FHIT: variants seen among roughly 807,000 people sequenced by gnomAD.
FHIT encodes the protein bis(5'-adenosyl)-triphosphatase.
FHIT carries 19 observed loss-of-function variants against 17.9 expected under a neutral mutation model. The observed-to-expected ratio is 1.06, with a 90% CI of 0.74 to 1.56. The LOEUF (loss-of-function observed/expected upper bound fraction) is 1.56. Ranked by LOEUF, FHIT falls within the 40% of genes most tolerant of loss-of-function variation. The probability of loss-of-function intolerance (pLI) is 0.00; values close to 1 mark genes in which losing one functional copy is unlikely to be tolerated. For missense variants in FHIT, 248 were observed against 189.2 expected, an observed-to-expected ratio of 1.31 and a Z score of -1.82; for synonymous variants, 81 against 69.7, an observed-to-expected ratio of 1.16 and a Z score of -0.81.
intron 5 of FHIT, among the ~76,000 whole-genome samples, chr3:60,111,576 C>T (rs765664366): frequency 6.6e-6 from 1 of 152,226 alleles, no homozygotes; most frequent in Non-Finnish European, 1.5e-5. Context: ...TTCATTTATA[C>T]TCCATTTTGC....
intron 3 of FHIT, among the ~76,000 whole-genome samples, chr3:60,904,528 T>G (rs1706295763): frequency 6.6e-6 from 1 of 150,660 alleles, no homozygotes; most frequent in Admixed American, 6.6e-5. Flanking sequence ...TTACCTGAAA[T>G]TTTTTAAAAT....
At chr3:59,757,117 G>A (rs923293557) in intron 8 of FHIT, among the ~76,000 whole-genome samples, 9 of 152,134 alleles carry the variant, frequency 5.9e-5, no homozygotes, top group Non-Finnish European at 4.4e-5. Flanking sequence ...CAACGCTGAT[G>A]TATTACATAC....
chr3:60,868,211 T>C (rs1704247558), intron 3 of FHIT, among the ~76,000 whole-genome samples: 1 of 152,194 alleles, frequency 6.6e-6, no homozygotes, highest in South Asian at 2.1e-4. Context: ...TGTTTTCTTT[T>C]TCTTTGAGAT....
chr3:60,162,169 G>A (rs983069005), intron 5 of FHIT, among the ~76,000 whole-genome samples: 4 of 152,114 alleles, frequency 2.6e-5, no homozygotes, highest in Non-Finnish European at 4.4e-5. Context: ...ACTATACATA[G>A]GAAAGCTTCC....
At chr3:59,763,755 C>CAAAT (rs1559583339) in intron 8 of FHIT, among the ~76,000 whole-genome samples, 1 of 151,554 alleles carries the variant, frequency 6.6e-6, no homozygotes, top group African/African-American at 2.4e-5. Context: ...CAAGTGCAAA[C>CAAAT]ACCCCAAGGG....
chr3:60,296,342 T>A lies in FHIT; in HGVS notation c.103+240518A>T, dbSNP rs894756864. ...CATTTTCCCCGCATCTTCACCAGCA[T>A]TTAGTGTTGTCACCACTTGTCACTC... On this transcript the variant is annotated intron_variant, in intron 5 of 9. Transcript: ENST00000492590. Among the ~76,000 whole-genome samples, 91 of 152,088 alleles carry A rather than the reference T, an allele frequency of 6.0e-4. 2 individuals are homozygous for A. Among genetic ancestry groups the A allele is most frequent in the Non-Finnish European group, 8.8e-5 (6 of 67,992 alleles).
intron 5 of FHIT, among the ~76,000 whole-genome samples, chr3:60,055,918 T>G (rs1378715171): frequency 1.3e-5 from 2 of 152,210 alleles, no homozygotes; most frequent in Non-Finnish European, 1.5e-5. Flanking sequence ...TAAACATTCC[T>G]GTCAGCTGGC....
intron 1 of FHIT, among the ~76,000 whole-genome samples, chr3:61,221,123 C>A (rs1456332994): frequency 6.6e-6 from 1 of 152,054 alleles, no homozygotes. Context: ...CTGACCCTGG[C>A]TGGGTTGGTG....
intron 4 of FHIT, among the ~76,000 whole-genome samples, chr3:60,609,693 C>T (rs887495185): frequency 4.6e-5 from 7 of 152,236 alleles, no homozygotes; most frequent in African/African-American, 1.4e-4. Flanking sequence ...GCAAGTACCA[C>T]CCTAACTCTC....
Position 60,784,211 on chromosome 3 carries a change from G to A in FHIT, c.-18+37708C>T, listed in dbSNP as rs1212178687. Among the ~76,000 whole-genome samples the A allele has an allele frequency of 7.2e-5, 11 of 152,142 alleles. No individual in the cohort carries two copies. In the East Asian group the frequency reaches 2.1e-3, roughly 29 times the overall value. Reference sequence around the variant, plus strand: ...TTGCATTCTGTCCACGGGAAGCCCTGGTGAGAGTTACATCATTCCAGGATT... The same window carrying A: ...TTGCATTCTGTCCACGGGAAGCCCTAGTGAGAGTTACATCATTCCAGGATT... On this transcript the variant is annotated intron_variant, in intron 4 of 9. Coordinates refer to ENST00000492590, the MANE Select transcript of FHIT (RefSeq NM_002012.4).
At chr3:61,204,773 A>G (rs2039156318) in intron 1 of FHIT, among the ~76,000 whole-genome samples, 1 of 152,228 alleles carries the variant, frequency 6.6e-6, no homozygotes, top group Admixed American at 6.5e-5. Flanking sequence ...ATTGTTAGGC[A>G]TGACGAAAGT....
chr3:61,071,475 CT>C (rs2034805013), intron 2 of FHIT, among the ~76,000 whole-genome samples: 1 of 152,146 alleles, frequency 6.6e-6, no homozygotes, highest in Non-Finnish European at 1.5e-5. Context: ...TACAGTGTTA[CT>C]TCCCATAAAG....
intron 2 of FHIT, among the ~76,000 whole-genome samples, chr3:61,189,564 A>C (rs1209863493): frequency 6.6e-6 from 1 of 152,252 alleles, no homozygotes; most frequent in African/African-American, 2.4e-5. Context: ...GACTTTCTTC[A>C]CAGAATTGGA....
chr3:60,848,082 A>G (rs1369294624), intron 3 of FHIT, among the ~76,000 whole-genome samples: 1 of 152,150 alleles, frequency 6.6e-6, no homozygotes, highest in Non-Finnish European at 1.5e-5. Flanking sequence ...CTCCCAAATG[A>G]CTGAATCCAG....
At chr3:60,349,904 T>G (rs757300208) in intron 5 of FHIT, among the ~76,000 whole-genome samples, 3 of 152,174 alleles carry the variant, frequency 2.0e-5, no homozygotes, top group Admixed American at 1.3e-4. Context: ...CCTAGTTATG[T>G]TGACATCTGT....
At chr3:60,511,682 C>T (rs771261607) in intron 5 of FHIT, among the ~76,000 whole-genome samples, 8 of 152,094 alleles carry the variant, frequency 5.3e-5, no homozygotes, top group East Asian at 1.9e-4. Context: ...AACAATGTCA[C>T]CTGAGTAGCC....
chr3:60,746,973 C>T (rs548617181), intron 4 of FHIT, among the ~76,000 whole-genome samples: 3 of 152,240 alleles, frequency 2.0e-5, no homozygotes, highest in East Asian at 3.9e-4. Context: ...ATTTATTGAA[C>T]CTACCAGATG....
At chr3:60,784,537 T>C (rs766705923) in intron 4 of FHIT, among the ~76,000 whole-genome samples, 8 of 152,146 alleles carry the variant, frequency 5.3e-5, no homozygotes, top group Admixed American at 5.2e-4. Context: ...GGTTTTGCCA[T>C]GTTGGCCAGG....
At chr3:60,592,325 A>G (rs868959413) in intron 4 of FHIT, among the ~76,000 whole-genome samples, 42 of 151,232 alleles carry the variant, frequency 2.8e-4, no homozygotes, top group African/African-American at 9.0e-4. Context: ...TGAGAATACT[A>G]AAGGAGATGC....
Sources: gnomAD v4.1 joint callset for allele counts (sites outside exome capture counted in the v4.1 genomes callset) on GRCh38, gnomAD v4.1.1 for gene constraint, MANE v1.5 for transcripts, NCBI Gene and HGNC (gene_info 2026-07-23, HGNC 2026-07-21) for gene names.